ZNF57: variants seen among roughly 807,000 people sequenced by gnomAD.
ZNF57 encodes the protein zinc finger protein 57.
Under a neutral mutation model 13.4 loss-of-function variants are expected in ZNF57, and 11 were observed. That is an observed-to-expected ratio of 0.82 (90% CI 0.52 to 1.36). The LOEUF is 1.36. ZNF57 is among the 40% of genes most tolerant of loss of function. ZNF57 has a pLI of 0.00. For synonymous variants in ZNF57, 224 were observed against 238.5 expected, an observed-to-expected ratio of 0.94 and a Z score of 0.56; for missense variants, 696 against 667.5, an observed-to-expected ratio of 1.04 and a Z score of -0.47.
chr19:2,907,177 T>G (rs2088083661), intron 1 of ZNF57: 1 of 152,150 alleles, frequency 6.6e-6, no homozygotes, highest in Non-Finnish European at 1.5e-5. Context: ...AGGAATACGT[T>G]CTCTCCAAAA....
intron 1 of ZNF57, among the ~76,000 whole-genome samples, chr19:2,902,080 G>A (rs2088035126): frequency 6.6e-6 from 1 of 151,362 alleles, no homozygotes; most frequent in African/African-American, 2.4e-5. Flanking sequence ...ACATTCACAA[G>A]GGCGGGGGAA....
In ZNF57 at chr19:2,910,190, T is replaced by C. The variant is rs2088118780; in HGVS notation, c.4-5332T>C. 4.1e-5 allele frequency among the ~76,000 whole-genome samples: 2 copies of C among 48,520 alleles called. 1 individual carries two copies. Among genetic ancestry groups the C allele is most frequent in the African/African-American group, 9.3e-5 (2 of 21,456 alleles). 31.8% of individuals were successfully genotyped at this position (48,520 alleles called of 152,430 possible). On this transcript the variant is annotated intron_variant, in intron 1 of 3. Coordinates refer to ENST00000306908, the MANE Select transcript of ZNF57 (RefSeq NM_173480.3). ...GATCTTGTGCACATTTTGTTAGATT[T>C]ATACCTGTATGTTTTATTTTAGGGC...
rs143412680 is a variant in ZNF57, at chr19:2,910,870, G to A, written c.4-4652G>A. Among the ~76,000 whole-genome samples the A allele has an allele frequency of 3.1e-3, 465 of 147,690 alleles. 10 individuals carry two copies. Among genetic ancestry groups the A allele is most frequent in the African/African-American group, 1.0e-2 (404 of 40,502 alleles). The stretch of plus-strand genomic sequence containing the variant: ...CGGCCTCCGGAAGTGCTGGGATGAC[G>A]GGCGTGAGCCACCGGGCCCGGCCTG... On this transcript the variant is annotated intron_variant, in intron 1 of 3. Transcript: ENST00000306908.
At position 2,900,965 on chromosome 19, in the gene ZNF57, C is replaced by G. The variant is rs371830411; in HGVS notation, c.-81C>G. The G allele has an allele frequency of 1.1e-4, 165 of 1,534,078 alleles. No homozygotes were observed. In the East Asian group the frequency reaches 3.4e-3, roughly 31 times the overall value. Reference sequence around the variant, plus strand: ...CGTGCCCTGCCTACCACGAGCGGCCCGGGAGTACCTGTACCTTTCAGCTGC... The same window carrying G: ...CGTGCCCTGCCTACCACGAGCGGCCGGGGAGTACCTGTACCTTTCAGCTGC... On this transcript the variant is annotated 5_prime_UTR_variant, in exon 1 of 4. Transcript: ENST00000306908.
rs1228702097 is a variant in ZNF57 at position 2,915,568 on chromosome 19, A to G, written c.50A>G (p.Glu17Gly). The G allele has an allele frequency of 1.2e-6, 2 of 1,613,998 alleles. No homozygotes were observed. Among genetic ancestry groups the G allele is most frequent in the Non-Finnish European group, 1.7e-6 (2 of 1,179,946 alleles). Residue 17 changes from glutamate to glycine, a missense_variant, in exon 2 of 4, where the codon GAG (glutamate) becomes GGG (glycine). Coordinates refer to ENST00000306908, the MANE Select transcript of ZNF57 (RefSeq NM_173480.3). ...EDVAVDFTLE[E>G]WALLDSAQRD... ...GTGGCTGTGGACTTCACCCTGGAGG[A>G]GTGGGCTTTGCTGGATTCTGCTCAG...
Position 2,915,966 on chromosome 19 carries a change from A to AC in ZNF57, c.131-108dup, listed in dbSNP as rs1221876393. The AC allele has an allele frequency of 2.4e-5, 29 of 1,192,082 alleles. No individual in the cohort carries two copies. The South Asian group carries it at 3.2e-4, about 13-fold the overall frequency. The allele number at this position is 1,192,082 out of a possible 1,614,324, so 73.8% of individuals were successfully genotyped here. On this transcript the variant is annotated intron_variant, in intron 2 of 3. Transcript: ENST00000306908. The stretch of plus-strand genomic sequence containing the variant: ...TGTTTGTGAAATACCTAACATTTTG[A>AC]CCCCTTATGTCTGTTATTGATGAGG...
At chr19:2,905,578 T>C (rs1235730784) in intron 1 of ZNF57, among the ~76,000 whole-genome samples, 1 of 151,098 alleles carries the variant, frequency 6.6e-6, no homozygotes, top group Non-Finnish European at 1.5e-5. Context: ...TCCTGGCTAA[T>C]AGGGTGAAAC....
chr19:2,918,045 C>T lies in ZNF57; in HGVS notation c.1424C>T (p.Pro475Leu). ...GHLRMHTGEK[P>L]YECKQCGKTF... Reference sequence around the variant, plus strand: ...TTGAGGATGCACACTGGAGAGAAGCCTTATGAGTGTAAACAATGTGGAAAA... The same window carrying T: ...TTGAGGATGCACACTGGAGAGAAGCTTTATGAGTGTAAACAATGTGGAAAA... Residue 475 changes from proline (P) to leucine (L), a missense_variant, in exon 4 of 4, where the codon CCT becomes CTT. Transcript: ENST00000306908. 1 of 1,614,174 alleles carries T rather than the reference C, an allele frequency of 6.2e-7. No individual in the cohort carries two copies. The highest frequency in any genetic ancestry group is 1.1e-5 in the South Asian group (1 of 91,082).
intron 1 of ZNF57, among the ~76,000 whole-genome samples, chr19:2,902,430 C>A (rs1017978747): frequency 6.6e-6 from 1 of 152,064 alleles, no homozygotes; most frequent in Admixed American, 6.6e-5. Context: ...TCGTGGGGTA[C>A]AGGCTAAGCA....
intron 1 of ZNF57, among the ~76,000 whole-genome samples, chr19:2,913,403 G>A (rs978713643): frequency 7.2e-5 from 11 of 151,854 alleles, no homozygotes; most frequent in African/African-American, 1.9e-4. Flanking sequence ...CTATTGTGTC[G>A]AGGTGGACCA....
chr19:2,911,749 T>A (rs7253799), intron 1 of ZNF57, among the ~76,000 whole-genome samples: 126,524 of 152,112 alleles, frequency 0.83, 52,935 homozygotes, highest in Non-Finnish European at 0.88. Flanking sequence ...AGTCTACTCA[T>A]GTGTCCATTA....
chr19:2,915,651 G>A lies in ZNF57; in HGVS notation c.130+3G>A, dbSNP rs1353406494. The A allele has an allele frequency of 1.2e-6, 2 of 1,613,812 alleles. No homozygotes were observed. Among genetic ancestry groups the A allele is most frequent in the African/African-American group, 1.3e-5 (1 of 75,058 alleles). ...CTTCCGGAACCTGGCCTCAGTAGGT[G>A]AGGATGGCATCATTCCTTCCCTTGG... On this transcript the variant is annotated splice_donor_region_variant and intron_variant, in intron 2 of 3. Transcript: ENST00000306908.
At position 2,902,980 on chromosome 19, in the gene ZNF57, T is replaced by A. The variant is rs1286264905; in HGVS notation, c.3+1932T>A. 2.0e-5 allele frequency among the ~76,000 whole-genome samples: 3 copies of A among 152,126 alleles called. No homozygotes were observed. In the South Asian group the frequency reaches 6.2e-4, roughly 32 times the overall value. On this transcript the variant is annotated intron_variant, in intron 1 of 3. Transcript: ENST00000306908. ...CGGTGACTCCAGCTGAGCCCACAGT[T>A]GAGCCTGCACTGGAGGCCGCTGAGG...
chr19:2,906,808 A>T (rs994242021), intron 1 of ZNF57, among the ~76,000 whole-genome samples: 4 of 152,126 alleles, frequency 2.6e-5, no homozygotes, highest in African/African-American at 9.7e-5. Flanking sequence ...CCATTTCAGG[A>T]AGGAGGTTCT....
intron 1 of ZNF57, among the ~76,000 whole-genome samples, chr19:2,909,284 T>TA (rs1420556879): frequency 1.8e-4 from 23 of 131,006 alleles, no homozygotes; most frequent in Admixed American, 3.1e-4. Flanking sequence ...TATTTTTGTT[T>TA]TTTTTTTTTT....
chr19:2,915,280 G>T, intron 1 of ZNF57: 1 of 430,506 alleles, frequency 2.3e-6, no homozygotes. Flanking sequence ...CATTTCTCTA[G>T]ACCCTCCTGG....
At chr19:2,916,057 T>C (rs773302390) in intron 2 of ZNF57, 21 bp from the exon 3 acceptor site, 12 of 1,601,678 alleles carry the variant, frequency 7.5e-6, no homozygotes, top group Non-Finnish European at 1.0e-5. Flanking sequence ...CTTTTGAGAT[T>C]TGTTTACTTT....
Position 2,918,217 on chromosome 19 carries a change from C to G in ZNF57, c.1596C>G (p.His532Gln), listed in dbSNP as rs755336833. Residue 532 changes from histidine (H) to glutamine (Q), a missense_variant, in exon 4 of 4, where the codon CAC becomes CAG. His to Gln is a conservative substitution (Grantham distance 24, BLOSUM62 0). Transcript: ENST00000306908. ...HLRMHTGQKS[H>Q]ECQSYSKAFS... ...GGATGCACACAGGACAGAAATCCCA[C>G]GAATGTCAGTCATACTCAAAAGCCT... 1 of 1,614,096 alleles carries G rather than the reference C, an allele frequency of 6.2e-7. No homozygotes were observed. Among genetic ancestry groups the G allele is most frequent in the East Asian group, 2.2e-5 (1 of 44,888 alleles).
chr19:2,910,617 T>C lies in ZNF57; in HGVS notation c.4-4905T>C, dbSNP rs1264664001. ...CTGGGACTACAGGTACTCCCCGCCA[T>C]GCCCAGCTAATTTTTTGTATTTTTA... On this transcript the variant is annotated intron_variant, in intron 1 of 3. Coordinates refer to ENST00000306908, the MANE Select transcript of ZNF57 (RefSeq NM_173480.3). Among the ~76,000 whole-genome samples, 9 of 113,162 alleles carry C rather than the reference T, an allele frequency of 8.0e-5. 2 individuals carry two copies. The highest frequency in any genetic ancestry group is 2.1e-4 in the Admixed American group (2 of 9,614). 74.2% of individuals were successfully genotyped at this position (113,162 alleles called of 152,430 possible).
Sources: allele counts gnomAD v4.1 joint callset (sites outside exome capture counted in the v4.1 genomes callset), GRCh38; gene constraint gnomAD v4.1.1; transcripts MANE v1.5; gene names NCBI Gene and HGNC (gene_info 2026-07-23, HGNC 2026-07-21).